Variants in NCOA2 observed in about 807,000 individuals in gnomAD.
NCOA2 encodes nuclear receptor coactivator 2, also known as class E basic helix-loop-helix protein 75.
NCOA2 carries 21 observed loss-of-function variants against 145.1 expected under a neutral mutation model. The observed-to-expected ratio is 0.14, with a 90% CI of 0.10 to 0.21. The LOEUF (loss-of-function observed/expected upper bound fraction) is 0.21, where lower values mean the gene tolerates loss of function less well. Ranked by LOEUF, NCOA2 falls within the 10% of genes least tolerant of loss-of-function variation. NCOA2 has a pLI of 1.00. For missense variants in NCOA2, 1,472 were observed against 1,837.6 expected (o/e 0.80, Z 3.64); for synonymous variants, 619 against 637.5 (o/e 0.97, Z 0.44).
intron 1 of NCOA2, among the ~76,000 whole-genome samples, chr8:70,330,674 T>C (rs545214146): frequency 1.3e-5 from 2 of 151,086 alleles, no homozygotes; most frequent in South Asian, 4.2e-4. Flanking sequence ...GAAATTAAAA[T>C]TTGGAAAAGT....
intron 1 of NCOA2, among the ~76,000 whole-genome samples, chr8:70,341,248 T>TAGCACATGCC (rs1001920650): frequency 6.6e-6 from 1 of 151,986 alleles, no homozygotes; most frequent in African/African-American, 2.4e-5. Context: ...CCAGGCATGG[T>TAGCACATGCC]AGCACATGCC....
At chr8:70,376,843 C>T (rs1007486445) in intron 1 of NCOA2, among the ~76,000 whole-genome samples, 2 of 152,164 alleles carry the variant, frequency 1.3e-5, no homozygotes, top group African/African-American at 4.8e-5. Flanking sequence ...TCAGCCAGGG[C>T]GCTCAGGGCC....
rs372037650 is a variant in NCOA2 at position 70,127,143 on chromosome 8, T to A, written c.3682-96A>T. The A allele has an allele frequency of 1.4e-4, 119 of 829,306 alleles. 1 individual carries two copies. In the East Asian group the frequency reaches 2.9e-3, roughly 20 times the overall value. The allele number at this position is 829,306 out of a possible 1,614,324, so 51.4% of individuals were successfully genotyped here. A position where few individuals can be genotyped will look rare whatever the true frequency, so the allele number is the denominator to read the frequency against. ...ATAGAGAGGCTAGCAAATGGTACTA[T>A]CATCTGTAAAATTATTTGGAAAAAA... On this transcript the variant is annotated intron_variant, in intron 18 of 22. Coordinates refer to ENST00000452400, the MANE Select transcript of NCOA2 (RefSeq NM_006540.4).
the NCOA2 span, among the ~76,000 whole-genome samples, chr8:70,453,333 C>T: frequency 2.0e-5 from 3 of 152,210 alleles, no homozygotes; most frequent in Non-Finnish European, 4.4e-5. Context: ...CCTACAGTTG[C>T]TGAGTGGTCC....
At chr8:70,414,413 C>T in the NCOA2 span, among the ~76,000 whole-genome samples, 6 of 152,164 alleles carry the variant, frequency 3.9e-5, no homozygotes, top group Admixed American at 3.9e-4. Context: ...TTCTACCTCC[C>T]TCTGGAGATG....
At chr8:70,356,681 A>T (rs1041149807) in intron 1 of NCOA2, among the ~76,000 whole-genome samples, 5 of 152,222 alleles carry the variant, frequency 3.3e-5, no homozygotes, top group African/African-American at 1.2e-4. Context: ...CTATTAGTTG[A>T]CTGCTACCCA....
intron 1 of NCOA2, 48 bp from the exon 2 acceptor site, chr8:70,296,848 TAA>T (rs1355595411): frequency 1.3e-5 from 2 of 152,222 alleles, no homozygotes; most frequent in African/African-American, 2.4e-5. Context: ...TGCAGAATCC[TAA>T]GATTCCTTAG....
chr8:70,375,844 T>C (rs1811617392), intron 1 of NCOA2, among the ~76,000 whole-genome samples: 1 of 152,196 alleles, frequency 6.6e-6, no homozygotes. Flanking sequence ...AAGCATACAA[T>C]TTTTTATGTT....
At chr8:70,253,281 TC>T (rs1490433924) in intron 2 of NCOA2, among the ~76,000 whole-genome samples, 1 of 152,164 alleles carries the variant, frequency 6.6e-6, no homozygotes, top group African/African-American at 2.4e-5. Context: ...TCTAGTTCTT[TC>T]TTTTTTTAGC....
intron 4 of NCOA2, among the ~76,000 whole-genome samples, chr8:70,194,462 T>A (rs1026629677): frequency 2.0e-5 from 3 of 152,142 alleles, no homozygotes; most frequent in Admixed American, 2.0e-4. Flanking sequence ...GCCAGTGTTG[T>A]TTATCTAGAG....
chr8:70,172,213 G>GT (rs976336162), intron 5 of NCOA2, among the ~76,000 whole-genome samples: 2 of 152,130 alleles, frequency 1.3e-5, no homozygotes, highest in Non-Finnish European at 2.9e-5. Flanking sequence ...CCACCACTCT[G>GT]TAATCCCAAA....
the NCOA2 span, among the ~76,000 whole-genome samples, chr8:70,452,708 A>C: frequency 7.2e-5 from 11 of 152,268 alleles, no homozygotes; most frequent in African/African-American, 2.4e-4. Flanking sequence ...TGAATTAAAT[A>C]TCAATTTTTA....
chr8:70,203,164 G>A (rs1345048675), intron 4 of NCOA2, among the ~76,000 whole-genome samples: 1 of 149,566 alleles, frequency 6.7e-6, no homozygotes, highest in Non-Finnish European at 1.5e-5. Flanking sequence ...TCAGGAGGCT[G>A]ACGCAGAAGA....
Position 70,174,882 on chromosome 8 carries a change from TTAAATGGCAGTGC to T in NCOA2, c.260-36_260-24del, listed in dbSNP as rs769986779. The T allele has an allele frequency of 2.2e-4, 359 of 1,596,660 alleles. 1 individual carries two copies. The Middle Eastern group carries it at 5.0e-3, about 22-fold the overall frequency. On this transcript the variant is annotated intron_variant, in intron 4 of 22. Transcript: ENST00000452400. ...TCTCTGCAATAAACATAAGTGTGAA[TTAAATGGCAGTGC>T]TATTTCAAGGACAGAGTGACACAGA...
intron 2 of NCOA2, among the ~76,000 whole-genome samples, chr8:70,220,726 C>T (rs907253627): frequency 9.9e-5 from 15 of 152,162 alleles, no homozygotes; most frequent in East Asian, 1.9e-4. Flanking sequence ...AAAGCTGTTG[C>T]TCTCAATACA....
chr8:70,256,991 G>A (rs1383968630), intron 2 of NCOA2, among the ~76,000 whole-genome samples: 1 of 152,114 alleles, frequency 6.6e-6, no homozygotes, highest in Admixed American at 6.5e-5. Context: ...TATTTACTGG[G>A]CACAAACAAT....
chr8:70,243,806 A>G (rs1822372038), intron 2 of NCOA2, among the ~76,000 whole-genome samples: 1 of 151,544 alleles, frequency 6.6e-6, no homozygotes, highest in Admixed American at 6.6e-5. Context: ...AAAAAAAAAA[A>G]AAGAATGTGG....
At chr8:70,346,951 A>G (rs925999893) in intron 1 of NCOA2, among the ~76,000 whole-genome samples, 10 of 152,224 alleles carry the variant, frequency 6.6e-5, no homozygotes, top group African/African-American at 2.4e-4. Context: ...CATTTTAATA[A>G]TTGACAATAT....
rs564178814 is a variant in NCOA2, at chr8:70,214,079, A to G, written c.87-4T>C. 1.3e-6 allele frequency: 2 copies of G among 1,591,240 alleles called. No individual in the cohort carries two copies. Among genetic ancestry groups the G allele is most frequent in the Non-Finnish European group, 1.7e-6 (2 of 1,174,406 alleles). Reference sequence around the variant, plus strand: ...TTTTTCAGTGTTCCTTTTGGGGCTTAAAAGAAGAAACACATTTTTATGATG... The same window carrying G: ...TTTTTCAGTGTTCCTTTTGGGGCTTGAAAGAAGAAACACATTTTTATGATG... On this transcript the variant is annotated splice_region_variant and splice_polypyrimidine_tract_variant and intron_variant, in intron 3 of 22. Transcript: ENST00000452400.
Sources: gnomAD v4.1 joint callset for allele counts (sites outside exome capture counted in the v4.1 genomes callset) on GRCh38, gnomAD v4.1.1 for gene constraint, MANE v1.5 for transcripts, NCBI Gene and HGNC (gene_info 2026-07-23, HGNC 2026-07-21) for gene names.